Variants in CEP192 observed in about 807,000 individuals in gnomAD.
CEP192 encodes centrosomal protein 192, also known as centrosomal protein of 192 kDa.
Under a neutral mutation model 271.8 loss-of-function variants are expected in CEP192, and 151 were observed. The observed-to-expected ratio is 0.56, with a 90% confidence interval of 0.49 to 0.64. The LOEUF (loss-of-function observed/expected upper bound fraction) is 0.64, where lower values mean the gene tolerates loss of function less well. Ranked by LOEUF, CEP192 falls within the 30% of genes least tolerant of loss-of-function variation. CEP192 has a pLI of 0.00. For missense variants in CEP192, 2,910 were observed against 3,020.5 expected (o/e 0.96, Z 0.86); for synonymous variants, 995 against 1,076.5 (o/e 0.92, Z 1.48).
In CEP192 at chr18:13,015,367, A is replaced by G. The variant is rs186814090; in HGVS notation, c.559A>G (p.Thr187Ala). ...LDAGKHFEDK[T>A]LKSDLSHTSL... is the part of the protein sequence containing the mutation. ...TGCTGGAAAACATTTTGAAGACAAG[A>G]CTCTAAAGAGTGACCTAAGCCACAC... The change falls in exon 6 of 45, where the codon ACT (threonine) becomes GCT (alanine). Residue 187 changes from threonine (T) to alanine (A), a missense_variant. Transcript: ENST00000506447. The G allele has an allele frequency of 4.6e-5, 71 of 1,550,462 alleles. No individual in the cohort carries two copies. In the Admixed American group the frequency reaches 7.1e-4, roughly 16 times the overall value.
intron 20 of CEP192, 134 bp downstream of exon 20, chr18:13,057,867 T>C: frequency 1.4e-6 from 1 of 724,414 alleles, no homozygotes; most frequent in African/African-American, 1.8e-5. Context: ...GGTATCTTTC[T>C]CTCAGACCCC....
At chr18:13,003,712 ATCACTTGAGCC>A (rs1208070724) in intron 3 of CEP192, among the ~76,000 whole-genome samples, 3 of 152,108 alleles carry the variant, frequency 2.0e-5, no homozygotes, top group Non-Finnish European at 4.4e-5. Context: ...CACCCTGAGA[ATCACTTGAGCC>A]CAGGAGATCC....
chr18:13,030,373 G>A (rs2035548143), intron 10 of CEP192, 92 bp from the exon 11 acceptor site: 3 of 1,085,726 alleles, frequency 2.8e-6, no homozygotes, highest in Admixed American at 5.5e-5. Context: ...TGATAACTAA[G>A]GTAGTCATCT....
chr18:13,001,317 GGAT>G lies in CEP192; in HGVS notation c.165-135_165-133del, dbSNP rs2033629330. 5.1e-6 allele frequency: 3 copies of G among 592,564 alleles called. No homozygotes were observed. The East Asian group carries it at 8.6e-5, about 17-fold the overall frequency. The allele number at this position is 592,564 out of a possible 1,614,324, so 36.7% of individuals were successfully genotyped here. A position where few individuals can be genotyped will look rare whatever the true frequency, so the allele number is the denominator to read the frequency against. On this transcript the variant is annotated intron_variant, in intron 2 of 44. Coordinates refer to ENST00000506447, the MANE Select transcript of CEP192 (RefSeq NM_032142.4). Reference sequence around the variant, plus strand: ...CACAGGTTTCCGTGCTTTGCACAGAGGATGATGGTTTGAAATACAGGGGCCCTA... The same window carrying G: ...CACAGGTTTCCGTGCTTTGCACAGAGGATGGTTTGAAATACAGGGGCCCTA...
intron 15 of CEP192, among the ~76,000 whole-genome samples, chr18:13,048,303 G>A (rs529539054): frequency 6.4e-4 from 98 of 152,172 alleles, no homozygotes; most frequent in Non-Finnish European, 1.3e-3. Context: ...TTCTCCACCC[G>A]TCTTCACTTG....
rs149678838 is a variant in CEP192, at chr18:13,049,115, G to A, written c.2324G>A (p.Gly775Glu). 7.1e-5 allele frequency: 114 copies of A among 1,613,774 alleles called. No homozygotes were observed. In the African/African-American group the frequency reaches 1.3e-3, roughly 18 times the overall value. ...CCTAATGATTTAGAAAAAAGTAATG[G>A]ATCCAATGCACTTGATATGGAGAAA... ...FLPNDLEKSN[G>E]SNALDMEKYL... is the part of the protein sequence containing the mutation. Residue 775 changes from glycine to glutamate, a missense_variant, in exon 16 of 45, where the codon GGA becomes GAA. Coordinates refer to ENST00000506447, the MANE Select transcript of CEP192 (RefSeq NM_032142.4).
In CEP192 at chr18:13,049,444, G is replaced by A. The variant is rs771798343; in HGVS notation, c.2653G>A (p.Asp885Asn). The A allele has an allele frequency of 2.5e-6, 4 of 1,614,100 alleles. No individual in the cohort carries two copies. In the South Asian group the frequency reaches 3.3e-5, roughly 13 times the overall value. ...AGTTGATGTGAAGACATGTTCCATT[G>A]ACAACAAATTACAAGATGTTGGTAA... The part of the protein sequence containing the change: ...AVVDVKTCSI[D>N]NKLQDVGNDE... Residue 885 changes from aspartate to asparagine, a missense_variant, in exon 16 of 45, where the codon GAC becomes AAC. Physicochemically the swap from Asp to Asn is conservative, Grantham distance 23. Coordinates refer to ENST00000506447, the MANE Select transcript of CEP192 (RefSeq NM_032142.4).
In CEP192 at chr18:13,087,512, T is replaced by A. The variant is rs751901462; in HGVS notation, c.5878-19T>A. 8.2e-7 allele frequency: 1 copy of A among 1,222,738 alleles called. No homozygotes were observed. The highest frequency in any genetic ancestry group is 1.2e-6 in the Non-Finnish European group (1 of 864,252). The allele number at this position is 1,222,738 out of a possible 1,614,324, so 75.7% of individuals were successfully genotyped here. On this transcript the variant is annotated intron_variant, in intron 31 of 44. Coordinates refer to ENST00000506447, the MANE Select transcript of CEP192 (RefSeq NM_032142.4). ...AAAATATTTAATATTTACTCCTGAT[T>A]TTTTTTTCTTGGCATCAGAATGTTA...
chr18:13,115,606 G>T (rs2040393653), intron 42 of CEP192, among the ~76,000 whole-genome samples: 1 of 152,168 alleles, frequency 6.6e-6, no homozygotes, highest in East Asian at 1.9e-4. Context: ...GAGTAAAATA[G>T]TGTCAAGGAA....
At chr18:12,999,275 C>G (rs1599021595) in intron 1 of CEP192, 146 bp from the exon 2 acceptor site, 2 of 572,940 alleles carry the variant, frequency 3.5e-6, no homozygotes, top group Non-Finnish European at 6.0e-6. Context: ...TATTTTACCT[C>G]AGACTATTTG....
rs754109474 is a variant in CEP192, at chr18:13,072,709, AT to A, written c.5349-45del. ...TGGCTTTATTCTTATAATGGTAGCA[AT>A]ATCCATGGAGAAAAACCATATTTAA... On this transcript the variant is annotated intron_variant, in intron 28 of 44. Coordinates refer to ENST00000506447, the MANE Select transcript of CEP192 (RefSeq NM_032142.4). 33 of 1,256,120 alleles carry A rather than the reference AT, an allele frequency of 2.6e-5. 2 individuals carry two copies. In the African/African-American group the frequency reaches 4.4e-4, roughly 17 times the overall value. The allele number at this position is 1,256,120 out of a possible 1,614,324, so 77.8% of individuals were successfully genotyped here.
At position 13,008,564 on chromosome 18, in the gene CEP192, C is replaced by G; in HGVS notation, c.399C>G (p.Ala133=). 3 of 1,551,572 alleles carry G rather than the reference C, an allele frequency of 1.9e-6. No individual in the cohort carries two copies. Among genetic ancestry groups the G allele is most frequent in the East Asian group, 4.9e-5 (2 of 40,924 alleles). ...CAGCAGGACCAGAAGAGGAGCCAGC[C>G]GGAGCTACAGAATCCTTGCAGGGCC... ...METAGPEEEP[A]GATESLQGQD... is the part of the protein sequence containing the mutation. The change falls in exon 4 of 45, where the codon GCC becomes GCG. Residue 133 remains alanine (A), a synonymous_variant. Coordinates refer to ENST00000506447, the MANE Select transcript of CEP192 (RefSeq NM_032142.4).
At chr18:13,020,401 A>G (rs2034923142) in intron 9 of CEP192, among the ~76,000 whole-genome samples, 1 of 152,172 alleles carries the variant, frequency 6.6e-6, no homozygotes. Context: ...GTCGTAGCAT[A>G]TATCAACATT....
chr18:13,049,165 A>G lies in CEP192; in HGVS notation c.2374A>G (p.Arg792Gly). ...ATACCTTAAAAAAACAGAAGTTAGT[A>G]GATATGAAAGTGCATTGGAAAACTT... ...EKYLKKTEVS[R>G]YESALENFSR... Residue 792 changes from arginine (R) to glycine (G), a missense_variant, in exon 16 of 45, where the codon AGA becomes GGA. Transcript: ENST00000506447. The G allele has an allele frequency of 1.2e-6, 2 of 1,614,014 alleles. No individual in the cohort carries two copies. Among genetic ancestry groups the G allele is most frequent in the East Asian group, 2.2e-5 (1 of 44,874 alleles).
At chr18:13,027,850 T>C (rs2035392572) in intron 9 of CEP192, among the ~76,000 whole-genome samples, 2 of 152,126 alleles carry the variant, frequency 1.3e-5, no homozygotes, top group Non-Finnish European at 2.9e-5. Context: ...TTTTTTTTTC[T>C]ATTGGGGTAT....
chr18:13,113,613 A>AG lies in CEP192; in HGVS notation c.7081dup (p.Asp2361GlyfsTer9). 1 of 1,613,314 alleles carries AG rather than the reference A, an allele frequency of 6.2e-7. No individual in the cohort carries two copies. Among genetic ancestry groups the AG allele is most frequent in the South Asian group, 1.1e-5 (1 of 90,924 alleles). On this transcript the variant is annotated frameshift_variant, in exon 41 of 45. Coordinates refer to ENST00000506447, the MANE Select transcript of CEP192 (RefSeq NM_032142.4). LOFTEE classifies it high-confidence loss of function. ...CTCCATCACATTTTTGCCCAGAGGT[A>AG]GGGGGGATTATGCCCAGTTTTGGGA... is the stretch of plus-strand genomic sequence containing the variant.
chr18:13,063,143 GT>G (rs2037499938), intron 21 of CEP192, among the ~76,000 whole-genome samples: 1 of 152,108 alleles, frequency 6.6e-6, no homozygotes, highest in African/African-American at 2.4e-5. Context: ...GAACACTTAG[GT>G]TGCTTCCAAA....
At chr18:13,103,113 C>G (rs1300440298) in intron 38 of CEP192, among the ~76,000 whole-genome samples, 1 of 152,184 alleles carries the variant, frequency 6.6e-6, no homozygotes, top group African/African-American at 2.4e-5. Context: ...CTTTTTCTCC[C>G]CTTTGCCACT....
At position 13,018,523 on chromosome 18, in the gene CEP192, A is replaced by G; in HGVS notation, c.833A>G (p.Asn278Ser). ...GSLNCKFQSE[N>S]NSSLISLDSH... is the part of the protein sequence containing the mutation. ...TTAAACTGCAAGTTTCAATCAGAAA[A>G]TAACAGCTCTCTGATTTCCCTCGAC... Residue 278 changes from asparagine to serine, a missense_variant, in exon 8 of 45, where the codon AAT becomes AGT. Transcript: ENST00000506447. The G allele has an allele frequency of 2.6e-6, 4 of 1,540,094 alleles. No homozygotes were observed. Among genetic ancestry groups the G allele is most frequent in the Non-Finnish European group, 3.5e-6 (4 of 1,138,676 alleles).
Sources: gnomAD v4.1 joint callset for allele counts (sites outside exome capture counted in the v4.1 genomes callset) on GRCh38, gnomAD v4.1.1 for gene constraint, MANE v1.5 for transcripts, NCBI Gene and HGNC (gene_info 2026-07-23, HGNC 2026-07-21) for gene names.